DPY19L4: variants seen among roughly 807,000 people sequenced by gnomAD.
The protein encoded by DPY19L4 is dpy-19 like 4.
A neutral mutation model predicts 102.8 loss-of-function variants in DPY19L4; 97 were observed. The observed-to-expected ratio is 0.94, with a 90% CI of 0.80 to 1.12. The LOEUF (loss-of-function observed/expected upper bound fraction) is 1.12, where lower values mean the gene tolerates loss of function less well. Among genes scored for constraint, DPY19L4 ranks in the 50% most tolerant of loss-of-function variants. The probability of loss-of-function intolerance (pLI) is 0.00; values close to 1 mark genes in which losing one functional copy is unlikely to be tolerated. For missense variants in DPY19L4, 815 were observed against 850.4 expected, an observed-to-expected ratio of 0.96 and a Z score of 0.52; for synonymous variants, 252 against 283.1, an observed-to-expected ratio of 0.89 and a Z score of 1.10.
At chr8:94,764,666 CGTGT>C (rs201694887) in intron 8 of DPY19L4, among the ~76,000 whole-genome samples, 2 of 78,352 alleles carry the variant, frequency 2.6e-5, no homozygotes, top group Non-Finnish European at 4.6e-5. Flanking sequence ...TGTATGTATG[CGTGT>C]GTGTGTGTGT....
At position 94,766,773 on chromosome 8, in the gene DPY19L4, C is replaced by T. The variant is rs991958629; in HGVS notation, c.1175+88C>T. 24 of 1,227,530 alleles carry T rather than the reference C, an allele frequency of 2.0e-5. 1 individual carries two copies. The South Asian group carries it at 3.1e-4, about 16-fold the overall frequency. The allele number at this position is 1,227,530 out of a possible 1,614,324, so 76.0% of individuals were successfully genotyped here. A position where few individuals can be genotyped will look rare whatever the true frequency, so the allele number is the denominator to read the frequency against. On this transcript the variant is annotated intron_variant, in intron 11 of 18. Transcript: ENST00000414645. The stretch of plus-strand genomic sequence containing the variant: ...TACTCGATGGCCGGGCATAGTGGCT[C>T]ACATCTGTAATCCCAGCACTTTAGG...
intron 10 of DPY19L4, 71 bp from the exon 11 acceptor site, chr8:94,766,541 G>C: frequency 1.4e-6 from 2 of 1,406,332 alleles, no homozygotes; most frequent in South Asian, 1.2e-5. Context: ...TCTGTCTCTA[G>C]TATTGGGGAA....
intron 17 of DPY19L4, 132 bp downstream of exon 17, chr8:94,783,934 T>C: frequency 9.5e-7 from 1 of 1,057,630 alleles, no homozygotes; most frequent in Non-Finnish European, 1.3e-6. Context: ...TTAACTTCCA[T>C]TTTAAAAAAC....
At chr8:94,779,321 CTT>C (rs745357638) in intron 14 of DPY19L4, among the ~76,000 whole-genome samples, 1 of 142,084 alleles carries the variant, frequency 7.0e-6, no homozygotes. Context: ...TTTCTTTTCT[CTT>C]TTTTTTTTTT....
chr8:94,761,855 G>T (rs1220390276), intron 8 of DPY19L4, 21 bp downstream of exon 8: 1 of 1,584,202 alleles, frequency 6.3e-7, no homozygotes. Flanking sequence ...ATTTTGAAAT[G>T]GTGATTTTTA....
chr8:94,760,352 G>C (rs1812348319), intron 7 of DPY19L4, among the ~76,000 whole-genome samples: 1 of 152,168 alleles, frequency 6.6e-6, no homozygotes, highest in South Asian at 2.1e-4. Context: ...GGTTATTACA[G>C]TTCTGTTTGT....
At chr8:94,739,313 A>T in intron 4 of DPY19L4, 100 bp from the exon 5 acceptor site, 1 of 1,359,798 alleles carries the variant, frequency 7.4e-7, no homozygotes. Context: ...TCTATTTGGG[A>T]TCTTTCTTGA....
intron 18 of DPY19L4, among the ~76,000 whole-genome samples, chr8:94,789,175 T>A (rs1331017287): frequency 6.6e-6 from 1 of 152,226 alleles, no homozygotes; most frequent in African/African-American, 2.4e-5. Flanking sequence ...TCTCCTTTCA[T>A]GTCATGCCTG....
At chr8:94,772,148 T>G (rs183304232) in intron 13 of DPY19L4, among the ~76,000 whole-genome samples, 42 of 152,332 alleles carry the variant, frequency 2.8e-4, no homozygotes, top group African/African-American at 9.9e-4. Context: ...TAAACTTTAT[T>G]AAAATGTATT....
At position 94,788,664 on chromosome 8, in the gene DPY19L4, C is replaced by T. The variant is rs867209046; in HGVS notation, c.2007+612C>T. On this transcript the variant is annotated intron_variant, in intron 18 of 18. Coordinates refer to ENST00000414645, the MANE Select transcript of DPY19L4 (RefSeq NM_181787.3). ...GCACGCGCGCGCGCATGTGTCTTCC[C>T]CCCCAGCCCCCATGGCCTTCCAATG... Among the ~76,000 whole-genome samples, 57 of 152,336 alleles carry T rather than the reference C, an allele frequency of 3.7e-4. 1 individual carries two copies. Among genetic ancestry groups the T allele is most frequent in the African/African-American group, 1.3e-3 (54 of 41,592 alleles).
intron 9 of DPY19L4, 97 bp downstream of exon 9, chr8:94,765,411 C>G: frequency 8.7e-7 from 1 of 1,155,526 alleles, no homozygotes; most frequent in Non-Finnish European, 1.2e-6. Flanking sequence ...TCTCAGCTCA[C>G]TGCAACCTCT....
At chr8:94,752,585 CAAAA>C (rs370640228) in intron 6 of DPY19L4, among the ~76,000 whole-genome samples, 9 of 80,178 alleles carry the variant, frequency 1.1e-4, no homozygotes, top group African/African-American at 3.3e-4. Context: ...GACTCCATCT[CAAAA>C]AAAAAAAAAA....
chr8:94,753,108 A>G (rs557382930), intron 6 of DPY19L4, among the ~76,000 whole-genome samples: 1 of 151,894 alleles, frequency 6.6e-6, no homozygotes, highest in Non-Finnish European at 1.5e-5. Flanking sequence ...ATGGCAGAAA[A>G]TTTAACAATG....
At chr8:94,722,876 A>C (rs558754108) in intron 1 of DPY19L4, among the ~76,000 whole-genome samples, 25 of 152,164 alleles carry the variant, frequency 1.6e-4, no homozygotes, top group Non-Finnish European at 3.4e-4. Context: ...ATACTCTGGG[A>C]ATCTGGTCTT....
intron 2 of DPY19L4, among the ~76,000 whole-genome samples, chr8:94,733,984 C>G (rs1391933777): frequency 6.6e-6 from 1 of 151,774 alleles, no homozygotes. Context: ...ATTAATGAAG[C>G]AATATTGATA....
In DPY19L4 at chr8:94,793,429, T is replaced by G. The variant is rs1813935056; in HGVS notation, c.*3519T>G. 6.6e-6 allele frequency: 1 copy of G among 152,184 alleles called. No homozygotes were observed. The highest frequency in any genetic ancestry group is 6.5e-5 in the Admixed American group (1 of 15,278). The allele number at this position is 152,184 out of a possible 1,614,324, so 9.4% of individuals were successfully genotyped here. ...TGATGGGGTTTTAAAAAGTGTAAATTGCCTTTTTTGTTAAACTTATTTTAA... is the reference window on the plus strand; with the variant it reads ...TGATGGGGTTTTAAAAAGTGTAAATGGCCTTTTTTGTTAAACTTATTTTAA... On this transcript the variant is annotated 3_prime_UTR_variant, in exon 19 of 19. Transcript: ENST00000414645.
Position 94,726,388 on chromosome 8 carries a change from C to T in DPY19L4, c.74C>T (p.Ser25Phe), listed in dbSNP as rs1386891470. The change falls in exon 2 of 19, where the codon TCT becomes TTT. Residue 25 changes from serine (S) to phenylalanine (F), a missense_variant. Ser to Phe is a radical substitution (Grantham distance 155). Coordinates refer to ENST00000414645, the MANE Select transcript of DPY19L4 (RefSeq NM_181787.3). ...CCAAAGTCTTCAGAAAATAAGGAATCTGCCAAAGAAGAGAAAATCAGTGAC... is the reference window on the plus strand; with the variant it reads ...CCAAAGTCTTCAGAAAATAAGGAATTTGCCAAAGAAGAGAAAATCAGTGAC... ...KKPKSSENKE[S>F]AKEEKISDIP... 6.2e-7 allele frequency: 1 copy of T among 1,612,400 alleles called. No individual in the cohort carries two copies. Among genetic ancestry groups the T allele is most frequent in the East Asian group, 2.2e-5 (1 of 44,754 alleles).
At chr8:94,764,717 A>ATATTTTT (rs1298234292) in intron 8 of DPY19L4, among the ~76,000 whole-genome samples, 2 of 29,322 alleles carry the variant, frequency 6.8e-5, no homozygotes, top group African/African-American at 1.4e-4. Flanking sequence ...ATATATATAT[A>ATATTTTT]TTTTTTTTTT....
Position 94,726,360 on chromosome 8 carries a change from A to C in DPY19L4, c.46A>C (p.Lys16Gln). 1.2e-6 allele frequency: 2 copies of C among 1,611,540 alleles called. No individual in the cohort carries two copies. Among genetic ancestry groups the C allele is most frequent in the Non-Finnish European group, 1.7e-6 (2 of 1,179,488 alleles). Reference protein sequence around the residue: ...GPPVELRQRKKPKSSENKESA... With the variant: ...GPPVELRQRKQPKSSENKESA... ...ACCTGTAGAGCTGCGCCAAAGAAAAAAGCCAAAGTCTTCAGAAAATAAGGA... is the reference window on the plus strand; with the variant it reads ...ACCTGTAGAGCTGCGCCAAAGAAAACAGCCAAAGTCTTCAGAAAATAAGGA... The change falls in exon 2 of 19, where the codon AAG (lysine) becomes CAG (glutamine). Residue 16 changes from lysine (K) to glutamine (Q), a missense_variant. By Grantham distance (53) the Lys-to-Gln change is moderately conservative. Coordinates refer to ENST00000414645, the MANE Select transcript of DPY19L4 (RefSeq NM_181787.3).
Sources: gnomAD v4.1 joint callset for allele counts (sites outside exome capture counted in the v4.1 genomes callset) on GRCh38, gnomAD v4.1.1 for gene constraint, MANE v1.5 for transcripts, NCBI Gene and HGNC (gene_info 2026-07-23, HGNC 2026-07-21) for gene names.